Variants in ITGB6 observed in about 807,000 individuals in gnomAD.
ITGB6 encodes the protein integrin beta-6.
A neutral mutation model predicts 84.5 loss-of-function variants in ITGB6; 80 were observed. The ratio of observed to expected loss-of-function variants is 0.95; its 90% CI spans 0.79 to 1.14. The LOEUF (loss-of-function observed/expected upper bound fraction) is 1.14. Ranked by LOEUF, ITGB6 falls within the 50% of genes most tolerant of loss-of-function variation. The pLI is 0.00. For missense variants in ITGB6, 1,006 were observed against 968.0 expected, an observed-to-expected ratio of 1.04 and a Z score of -0.52; for synonymous variants, 383 against 354.9, an observed-to-expected ratio of 1.08 and a Z score of -0.89.
rs761615701 is a variant in ITGB6 at position 160,200,115 on chromosome 2, G to T, written c.-52C>A. The T allele has an allele frequency of 2.1e-6, 3 of 1,428,886 alleles. No homozygotes were observed. The highest frequency in any genetic ancestry group is 1.2e-5 in the South Asian group (1 of 86,364). 88.5% of individuals were successfully genotyped at this position (1,428,886 alleles called of 1,614,324 possible). A position where few individuals can be genotyped will look rare whatever the true frequency, so the allele number is the denominator to read the frequency against. ...GATTAAAAAATGAATTACCTTCAGCGTTACAAGACCAACGCTGAATATCGT... is the reference window on the plus strand; with the variant it reads ...GATTAAAAAATGAATTACCTTCAGCTTTACAAGACCAACGCTGAATATCGT... On this transcript the variant is annotated 5_prime_UTR_variant, in exon 1 of 15. Coordinates refer to ENST00000283249, the MANE Select transcript of ITGB6 (RefSeq NM_000888.5).
intron 12 of ITGB6, among the ~76,000 whole-genome samples, chr2:160,119,855 AG>A (rs1682952236): frequency 6.6e-6 from 1 of 152,236 alleles, no homozygotes; most frequent in African/African-American, 2.4e-5. Context: ...AAGTGGGCCA[AG>A]GATATGAACA....
chr2:160,171,466 T>A (rs7603920), intron 6 of ITGB6, among the ~76,000 whole-genome samples: 19,633 of 151,594 alleles, frequency 0.13, 2,464 homozygotes, highest in East Asian at 0.45. Context: ...TCCCGAGTAG[T>A]TGGGACTACA....
intron 7 of ITGB6, among the ~76,000 whole-genome samples, chr2:160,167,981 T>C (rs1685064188): frequency 2.0e-5 from 2 of 101,378 alleles, no homozygotes; most frequent in Non-Finnish European, 4.0e-5. Context: ...TATTTGGGGG[T>C]ATTTTAAAAA....
intron 7 of ITGB6, among the ~76,000 whole-genome samples, chr2:160,168,473 A>C (rs139811657): frequency 6.6e-6 from 1 of 152,048 alleles, no homozygotes; most frequent in African/African-American, 2.4e-5. Flanking sequence ...CCTGCTAAAG[A>C]CTCCTTACTT....
intron 12 of ITGB6, among the ~76,000 whole-genome samples, chr2:160,116,564 A>G (rs1008551740): frequency 6.6e-6 from 1 of 152,262 alleles, no homozygotes; most frequent in African/African-American, 2.4e-5. Flanking sequence ...AAAACATGCC[A>G]AAATGTAAAG....
intron 12 of ITGB6, among the ~76,000 whole-genome samples, chr2:160,116,132 C>G (rs527673180): frequency 1.9e-4 from 28 of 147,592 alleles, no homozygotes; most frequent in South Asian, 6.5e-4. Context: ...GCAAGGCAGG[C>G]CAACGTTCAG....
intron 8 of ITGB6, 110 bp from the exon 9 acceptor site, chr2:160,138,309 G>A: frequency 6.7e-6 from 7 of 1,037,358 alleles, no homozygotes; most frequent in East Asian, 2.6e-5. Flanking sequence ...AACTAAATTG[G>A]GTGTCTAAAG....
At chr2:160,124,303 C>T (rs1166543190) in intron 11 of ITGB6, among the ~76,000 whole-genome samples, 2 of 152,152 alleles carry the variant, frequency 1.3e-5, no homozygotes, top group African/African-American at 2.4e-5. Context: ...ATACCTTAAC[C>T]AGAATTCCAA....
At chr2:160,128,633 G>T (rs1174212612) in intron 10 of ITGB6, among the ~76,000 whole-genome samples, 1 of 152,160 alleles carries the variant, frequency 6.6e-6, no homozygotes, top group Non-Finnish European at 1.5e-5. Context: ...CTCAGGGTGT[G>T]GGTGCGATTG....
intron 7 of ITGB6, among the ~76,000 whole-genome samples, chr2:160,144,126 C>T (rs572851924): frequency 1.3e-5 from 2 of 152,308 alleles, no homozygotes; most frequent in African/African-American, 4.8e-5. Flanking sequence ...GTAGCTCAAA[C>T]TCCTAGGCTG....
chr2:160,193,168 AG>A (rs1686206714), intron 4 of ITGB6, among the ~76,000 whole-genome samples: 2 of 152,242 alleles, frequency 1.3e-5, no homozygotes, highest in African/African-American at 2.4e-5. Context: ...ATCTATACAA[AG>A]ACTTCTACGC....
In ITGB6 at chr2:160,172,544, A is replaced by G. The variant is rs761022282; in HGVS notation, c.921+25T>C. The G allele has an allele frequency of 2.6e-6, 4 of 1,556,332 alleles. No individual in the cohort carries two copies. The East Asian group carries it at 9.1e-5, about 35-fold the overall frequency. ...CGTTCTCCTACTTATAGCCCTGAAAACAGTACAGAGTGCAGGTTACACACC... is the reference window on the plus strand; with the variant it reads ...CGTTCTCCTACTTATAGCCCTGAAAGCAGTACAGAGTGCAGGTTACACACC... On this transcript the variant is annotated intron_variant, in intron 6 of 14. Transcript: ENST00000283249.
chr2:160,189,561 G>C (rs544810320), intron 4 of ITGB6, among the ~76,000 whole-genome samples: 20 of 152,094 alleles, frequency 1.3e-4, no homozygotes, highest in South Asian at 2.1e-4. Context: ...ACAGACACTT[G>C]TCAAAAGAAG....
intron 10 of ITGB6, among the ~76,000 whole-genome samples, chr2:160,131,444 A>C (rs1454438302): frequency 6.6e-6 from 1 of 152,170 alleles, no homozygotes; most frequent in East Asian, 1.9e-4. Flanking sequence ...AGATCCACAC[A>C]AGTTGTGAGC....
intron 7 of ITGB6, among the ~76,000 whole-genome samples, chr2:160,165,895 T>C (rs954447691): frequency 2.0e-5 from 3 of 152,226 alleles, no homozygotes; most frequent in African/African-American, 7.2e-5. Flanking sequence ...CCACTTGCTC[T>C]GTGTCTGTGG....
chr2:160,131,410 C>T (rs1301922305), intron 10 of ITGB6, among the ~76,000 whole-genome samples: 2 of 138,860 alleles, frequency 1.4e-5, no homozygotes, highest in Admixed American at 7.1e-5. Context: ...TGGCACATTG[C>T]TTAGTATATT....
intron 8 of ITGB6, among the ~76,000 whole-genome samples, chr2:160,140,473 T>C (rs1683957731): frequency 6.6e-6 from 1 of 152,336 alleles, no homozygotes; most frequent in African/African-American, 2.4e-5. Flanking sequence ...TTTTCTAATC[T>C]GCTTAGTTTC....
At chr2:160,168,265 C>T (rs1194089951) in intron 7 of ITGB6, among the ~76,000 whole-genome samples, 5 of 152,116 alleles carry the variant, frequency 3.3e-5, no homozygotes, top group Non-Finnish European at 5.9e-5. Context: ...GGGGCTGTAC[C>T]GTCCTTAGTA....
At chr2:160,176,424 C>T (rs942406572) in intron 4 of ITGB6, among the ~76,000 whole-genome samples, 2 of 152,166 alleles carry the variant, frequency 1.3e-5, no homozygotes, top group East Asian at 1.9e-4. Context: ...GCCAGTCTGT[C>T]GCTTCCAGGT....
Sources: allele counts gnomAD v4.1 joint callset (sites outside exome capture counted in the v4.1 genomes callset), GRCh38; gene constraint gnomAD v4.1.1; transcripts MANE v1.5; gene names NCBI Gene and HGNC (gene_info 2026-07-23, HGNC 2026-07-21).